The following A1CF variants were observed in gnomAD, a reference collection of about 807,000 sequenced individuals.
A1CF encodes APOBEC1 complementation factor, also known as APOBEC-1 stimulating protein.
A1CF carries 48 observed loss-of-function variants against 68.9 expected under a neutral mutation model. The ratio of observed to expected loss-of-function variants is 0.70; its 90% CI spans 0.55 to 0.89. The LOEUF is 0.89. Ranked by LOEUF, A1CF falls within the 40% of genes least tolerant of loss-of-function variation. A1CF has a pLI of 0.00. For missense variants in A1CF, 653 were observed against 718.9 expected, an observed-to-expected ratio of 0.91 and a Z score of 1.05; for synonymous variants, 272 against 260.4, an observed-to-expected ratio of 1.04 and a Z score of -0.43.
chr10:50,842,123 T>C (rs1053661190), intron 4 of A1CF, 131 bp from the exon 5 acceptor site: 1 of 757,112 alleles, frequency 1.3e-6, no homozygotes, highest in Non-Finnish European at 2.1e-6. Context: ...GCCAGTACTA[T>C]TTGGCATTTG....
intron 1 of A1CF, among the ~76,000 whole-genome samples, chr10:50,875,716 A>T (rs1841480984): frequency 6.6e-6 from 1 of 152,166 alleles, no homozygotes; most frequent in Non-Finnish European, 1.5e-5. Context: ...ATCTTCCATT[A>T]CTGGACTTAC....
At chr10:50,856,646 A>G (rs1048198664) in intron 3 of A1CF, among the ~76,000 whole-genome samples, 6 of 152,132 alleles carry the variant, frequency 3.9e-5, no homozygotes, top group African/African-American at 1.4e-4. Context: ...TCTTAATCTC[A>G]CAAGTTATCT....
rs1283329728 is a variant in A1CF at position 50,816,174 on chromosome 10, C to T, written c.973G>A (p.Gly325Arg). ...TGGCCCAAAGAGTAGGTATACTCTC[C>T]TTGCAGCATGGTGCCCCTTCCACCT... ...GTGGRGTMLQGEYTYSLGQVY... is the reference protein window; with the variant it reads ...GTGGRGTMLQREYTYSLGQVY... The change falls in exon 9 of 13, where the codon GGA (glycine) becomes AGA (arginine). Residue 325 changes from glycine (G) to arginine (R), a missense_variant. Coordinates refer to ENST00000373997, the MANE Select transcript of A1CF (RefSeq NM_014576.4). 6 of 1,613,800 alleles carry T rather than the reference C, an allele frequency of 3.7e-6. No homozygotes were observed. Among genetic ancestry groups the T allele is most frequent in the East Asian group, 2.2e-5 (1 of 44,812 alleles).
At chr10:50,874,751 C>G (rs542806666) in intron 1 of A1CF, among the ~76,000 whole-genome samples, 9 of 152,260 alleles carry the variant, frequency 5.9e-5, no homozygotes, top group African/African-American at 2.2e-4. Context: ...TATTGTGCCA[C>G]TATTAAAACA....
In A1CF at chr10:50,836,207, T is replaced by C; in HGVS notation, c.471A>G (p.Lys157=). The C allele has an allele frequency of 1.2e-6, 2 of 1,614,040 alleles. No homozygotes were observed. Among genetic ancestry groups the C allele is most frequent in the Non-Finnish European group, 1.7e-6 (2 of 1,179,900 alleles). Residue 157 remains lysine, a synonymous_variant, in exon 6 of 13, where the codon AAA becomes AAG. Coordinates refer to ENST00000373997, the MANE Select transcript of A1CF (RefSeq NM_014576.4). Reference sequence around the variant, plus strand: ...CATCGACAACACCTTCAGTAACCTTTTTCATCTCCGATAAGATTTCTTCTC... The same window carrying C: ...CATCGACAACACCTTCAGTAACCTTCTTCATCTCCGATAAGATTTCTTCTC... ...KKREEILSEM[K]KVTEGVVDVI...
intron 1 of A1CF, among the ~76,000 whole-genome samples, chr10:50,868,032 C>T (rs925690463): frequency 1.3e-5 from 2 of 152,162 alleles, no homozygotes; most frequent in Non-Finnish European, 2.9e-5. Context: ...CAGTGAGGTG[C>T]TCCACGTGCA....
intron 1 of A1CF, among the ~76,000 whole-genome samples, chr10:50,868,912 A>C (rs117967641): frequency 2.5e-3 from 384 of 152,306 alleles, no homozygotes; most frequent in Admixed American, 4.2e-3. Context: ...ATATGTTCTC[A>C]CATATAAGTG....
At chr10:50,850,837 A>G in intron 3 of A1CF, 5 of 1,588,054 alleles carry the variant, frequency 3.1e-6, no homozygotes, top group Non-Finnish European at 4.3e-6. Flanking sequence ...TGACAGCTTT[A>G]GTCATTCCTT....
intron 1 of A1CF, among the ~76,000 whole-genome samples, chr10:50,882,404 A>G (rs1841822662): frequency 6.6e-6 from 1 of 152,180 alleles, no homozygotes; most frequent in Non-Finnish European, 1.5e-5. Context: ...CCACCACTCC[A>G]GCCTAGGCAA....
chr10:50,866,621 T>C (rs1237823716), intron 1 of A1CF, among the ~76,000 whole-genome samples: 1 of 152,208 alleles, frequency 6.6e-6, no homozygotes, highest in Non-Finnish European at 1.5e-5. Context: ...AATCTAGACC[T>C]GTTAGCTGGA....
intron 3 of A1CF, among the ~76,000 whole-genome samples, chr10:50,846,751 A>G (rs1840017733): frequency 6.6e-6 from 1 of 152,206 alleles, no homozygotes; most frequent in Non-Finnish European, 1.5e-5. Context: ...CCTGCTTACA[A>G]TCTGAAATAA....
intron 10 of A1CF, among the ~76,000 whole-genome samples, chr10:50,812,101 T>A (rs901633686): frequency 6.6e-6 from 1 of 152,252 alleles, no homozygotes; most frequent in Admixed American, 6.5e-5. Context: ...CTATTGATAT[T>A]TTCTTTTTAA....
intron 6 of A1CF, among the ~76,000 whole-genome samples, chr10:50,834,108 G>A (rs943314881): frequency 3.9e-5 from 6 of 152,112 alleles, no homozygotes; most frequent in African/African-American, 7.2e-5. Context: ...GAGTTCCTTC[G>A]GTGGGCCAAT....
intron 6 of A1CF, 62 bp from the exon 7 acceptor site, chr10:50,828,357 T>G: frequency 7.5e-7 from 1 of 1,335,548 alleles, no homozygotes; most frequent in South Asian, 1.9e-5. Flanking sequence ...TCATCTCAAT[T>G]TATACCAATG....
At chr10:50,872,540 T>C (rs918428189) in intron 1 of A1CF, among the ~76,000 whole-genome samples, 2 of 152,170 alleles carry the variant, frequency 1.3e-5, no homozygotes, top group Non-Finnish European at 2.9e-5. Flanking sequence ...GGAAATTATA[T>C]CTACCCTGCC....
chr10:50,826,577 A>C (rs1838948893), intron 7 of A1CF, among the ~76,000 whole-genome samples: 1 of 152,164 alleles, frequency 6.6e-6, no homozygotes, highest in Non-Finnish European at 1.5e-5. Context: ...AGACAAGCAA[A>C]TTCTGAGAGA....
At chr10:50,808,866 C>T (rs1029782047) in intron 12 of A1CF, among the ~76,000 whole-genome samples, 17 of 152,020 alleles carry the variant, frequency 1.1e-4, no homozygotes, top group Non-Finnish European at 2.2e-4. Context: ...TTCACACCTA[C>T]GCATGGCCAA....
At chr10:50,859,497 G>T (rs1564526206) in intron 3 of A1CF, among the ~76,000 whole-genome samples, 1 of 152,146 alleles carries the variant, frequency 6.6e-6, no homozygotes, top group Non-Finnish European at 1.5e-5. Flanking sequence ...ACTAAGCCTG[G>T]TTCCTGCTGT....
intron 1 of A1CF, among the ~76,000 whole-genome samples, chr10:50,869,207 A>G (rs1192261300): frequency 6.6e-6 from 1 of 152,174 alleles, no homozygotes; most frequent in Non-Finnish European, 1.5e-5. Context: ...TTTCTAGTCT[A>G]AAAAAGGATA....
Sources: gnomAD v4.1 joint callset for allele counts (sites outside exome capture counted in the v4.1 genomes callset) on GRCh38, gnomAD v4.1.1 for gene constraint, MANE v1.5 for transcripts, NCBI Gene and HGNC (gene_info 2026-07-23, HGNC 2026-07-21) for gene names.